MTUS2: variants seen among roughly 807,000 people sequenced by gnomAD.
MTUS2 encodes microtubule-associated tumor suppressor candidate 2.
Under a neutral mutation model 114.1 loss-of-function variants are expected in MTUS2, and 40 were observed. The ratio of observed to expected loss-of-function variants is 0.35; its 90% confidence interval spans 0.27 to 0.46. The LOEUF is 0.46. Among genes scored for constraint, MTUS2 ranks in the 20% least tolerant of loss-of-function variants. The pLI, the probability that MTUS2 is intolerant of heterozygous loss-of-function variation, is 1.00. For synonymous variants in MTUS2, 688 were observed against 672.0 expected (o/e 1.02, Z -0.37); for missense variants, 1,679 against 1,705.4 (o/e 0.98, Z 0.27).
intron 8 of MTUS2, among the ~76,000 whole-genome samples, chr13:29,372,714 G>C (rs1175503833): frequency 6.6e-6 from 1 of 152,084 alleles, no homozygotes; most frequent in Non-Finnish European, 1.5e-5. Context: ...ATATGATCTG[G>C]ATTTTTTTTC....
intron 8 of MTUS2, among the ~76,000 whole-genome samples, chr13:29,371,249 G>A (rs138643899): frequency 0.031 from 4,286 of 138,846 alleles, 222 homozygotes; most frequent in African/African-American, 0.11. Context: ...ATGGAGTCTC[G>A]CTCTCTTGCC....
In MTUS2 at chr13:28,962,040, T is replaced by A. The variant is rs565891256; in HGVS notation, c.-242-62417T>A. On this transcript the variant is annotated intron_variant, in intron 2 of 15. Transcript: ENST00000612955. ...AAAATCTCTTTCTATACATATATAT[T>A]TTATATACATATTTATACATATAAA... is the stretch of plus-strand genomic sequence containing the variant. 7.5e-4 allele frequency among the ~76,000 whole-genome samples: 113 copies of A among 151,412 alleles called. 2 individuals are homozygous for A. The South Asian group carries it at 0.023, about 31-fold the overall frequency.
At chr13:29,094,679 TTTA>T (rs1422995016) in intron 4 of MTUS2, among the ~76,000 whole-genome samples, 7 of 152,038 alleles carry the variant, frequency 4.6e-5, no homozygotes, top group Non-Finnish European at 8.8e-5. Context: ...CTCTGTTTTA[TTTA>T]TTTTCACTGT....
chr13:29,100,953 A>C lies in MTUS2; in HGVS notation c.2627A>C (p.Gln876Pro), dbSNP rs928909188. The C allele has an allele frequency of 2.2e-5, 33 of 1,534,800 alleles. No individual in the cohort carries two copies. The highest frequency in any genetic ancestry group is 9.6e-5 in the Admixed American group (5 of 52,304). The change falls in exon 5 of 16, where the codon CAG (glutamine) becomes CCG (proline). Residue 876 changes from glutamine (Q) to proline (P), a missense_variant. This residue lies in a region of MTUS2 where 822 missense variants were observed against 899.7 expected (regional missense o/e 0.91). Transcript: ENST00000612955. ...TQSGDSAQPE[Q>P]GRPATRSTFG... ...TCCGGGGACAGTGCACAGCCAGAGC[A>C]GGGCCGGCCAGCCACCCGTAAGTGG...
At chr13:29,468,332 A>C (rs1880032433) in intron 9 of MTUS2, among the ~76,000 whole-genome samples, 1 of 151,944 alleles carries the variant, frequency 6.6e-6, no homozygotes, top group African/African-American at 2.4e-5. Context: ...TAATCCCAGC[A>C]CTTTGGGAGG....
chr13:29,401,230 CCAGCCTCGGGTGACGCACCCACCTAGG>C (rs1874320061), intron 8 of MTUS2, among the ~76,000 whole-genome samples: 1 of 152,204 alleles, frequency 6.6e-6, no homozygotes. Flanking sequence ...AGGTGTTCCA[CCAGCCTCGGGTGACGCACCCACCTAGG>C]CCTCCCAAAG....
intron 7 of MTUS2, among the ~76,000 whole-genome samples, chr13:29,334,211 G>T (rs1900937721): frequency 6.6e-6 from 1 of 152,048 alleles, no homozygotes; most frequent in Non-Finnish European, 1.5e-5. Flanking sequence ...TTACATTTAA[G>T]GTTAATATTA....
At chr13:28,869,189 C>T (rs535269786) in intron 2 of MTUS2, among the ~76,000 whole-genome samples, 12 of 152,294 alleles carry the variant, frequency 7.9e-5, no homozygotes, top group South Asian at 6.2e-4. Context: ...CTCCTACACT[C>T]GTTGGACCTA....
chr13:28,963,727 C>T (rs1167658887), intron 2 of MTUS2, among the ~76,000 whole-genome samples: 2 of 152,188 alleles, frequency 1.3e-5, no homozygotes, highest in African/African-American at 4.8e-5. Flanking sequence ...TCATTCCACT[C>T]CAGTCAGGCT....
At position 29,000,224 on chromosome 13, in the gene MTUS2, T is replaced by C. The variant is rs530903409; in HGVS notation, c.-242-24233T>C. 7.9e-5 allele frequency among the ~76,000 whole-genome samples: 12 copies of C among 152,386 alleles called. No individual in the cohort carries two copies. In the South Asian group the frequency reaches 2.3e-3, roughly 29 times the overall value. ...GGTTTCCATAGCAGTTATACTACTT[T>C]TAGCATTTCTTGCACGGCAGGTATA... On this transcript the variant is annotated intron_variant, in intron 2 of 15. Coordinates refer to ENST00000612955, the MANE Select transcript of MTUS2 (RefSeq NM_001033602.4).
intron 2 of MTUS2, among the ~76,000 whole-genome samples, chr13:28,895,633 A>T (rs1489376643): frequency 6.6e-6 from 1 of 152,218 alleles, no homozygotes; most frequent in Non-Finnish European, 1.5e-5. Context: ...CTGTAGGTCC[A>T]TGAAGATGAG....
chr13:29,381,611 C>A (rs1215180602), intron 8 of MTUS2, among the ~76,000 whole-genome samples: 2 of 152,162 alleles, frequency 1.3e-5, no homozygotes, highest in African/African-American at 4.8e-5. Flanking sequence ...CCTAAAGTCA[C>A]ACTATTAAAT....
intron 5 of MTUS2, among the ~76,000 whole-genome samples, chr13:29,250,835 A>G (rs756441749): frequency 6.6e-5 from 10 of 152,160 alleles, no homozygotes; most frequent in Non-Finnish European, 1.2e-4. Flanking sequence ...CGTAAATTTC[A>G]ATTTAACACC....
chr13:29,499,099 C>A (rs1234700743), intron 14 of MTUS2, among the ~76,000 whole-genome samples: 1 of 152,230 alleles, frequency 6.6e-6, no homozygotes, highest in African/African-American at 2.4e-5. Context: ...CTCCCCAGTT[C>A]TCTGCCTCCT....
At chr13:29,011,121 C>T (rs953471467) in intron 2 of MTUS2, among the ~76,000 whole-genome samples, 2 of 152,128 alleles carry the variant, frequency 1.3e-5, no homozygotes, top group African/African-American at 2.4e-5. Context: ...AAATAAGAAG[C>T]ATGAGACCTA....
Position 29,034,061 on chromosome 13 carries a change from G to A in MTUS2, c.2382G>A (p.Ala794=). 1.2e-6 allele frequency: 2 copies of A among 1,613,952 alleles called. No homozygotes were observed. The highest frequency in any genetic ancestry group is 1.7e-6 in the Non-Finnish European group (2 of 1,179,888). Residue 794 remains alanine, a synonymous_variant, in exon 4 of 16, where the codon GCG becomes GCA. Coordinates refer to ENST00000612955, the MANE Select transcript of MTUS2 (RefSeq NM_001033602.4). ...RILIASQRSS[A]SAIHPPGPIT... is the part of the protein sequence containing the mutation. ...TGATTGCAAGTCAGAGGTCTTCAGC[G>A]AGCGCCATCCACCCACCAGGACCCA... is the stretch of plus-strand genomic sequence containing the variant.
rs910390619 is a variant in MTUS2, at chr13:28,912,952, C to T, written c.-243+73102C>T. On this transcript the variant is annotated intron_variant, in intron 2 of 15. Transcript: ENST00000612955. Reference sequence around the variant, plus strand: ...GCTAAATGACGAGTTAATGGGTGCACATTGATTTTTGTATCCTGAGACTTT... The same window carrying T: ...GCTAAATGACGAGTTAATGGGTGCATATTGATTTTTGTATCCTGAGACTTT... Among the ~76,000 whole-genome samples the T allele has an allele frequency of 2.0e-5, 3 of 152,028 alleles. 1 individual carries two copies. Among genetic ancestry groups the T allele is most frequent in the Non-Finnish European group, 4.4e-5 (3 of 67,984 alleles).
intron 7 of MTUS2, among the ~76,000 whole-genome samples, chr13:29,329,357 T>C (rs9579315): frequency 0.19 from 28,232 of 151,328 alleles, 2,725 homozygotes; most frequent in Middle Eastern, 0.22. Flanking sequence ...GTTCTTGTTA[T>C]TCAGCTCCCA....
chr13:29,379,984 C>G (rs567420376), intron 8 of MTUS2, among the ~76,000 whole-genome samples: 7 of 152,222 alleles, frequency 4.6e-5, no homozygotes, highest in South Asian at 4.1e-4. Context: ...TGTTTTTTGA[C>G]TGGTAATGTG....
Sources: gnomAD v4.1 joint callset for allele counts (sites outside exome capture counted in the v4.1 genomes callset) on GRCh38, gnomAD v4.1.1 for gene constraint, gnomAD v4.1.1 regional missense constraint, MANE v1.5 for transcripts, NCBI Gene and HGNC (gene_info 2026-07-23, HGNC 2026-07-21) for gene names.